The following FMN1 variants were observed in gnomAD, a reference collection of about 807,000 sequenced individuals.
FMN1 encodes the protein formin 1.
A neutral mutation model predicts 132.4 loss-of-function variants in FMN1; 110 were observed. The observed-to-expected ratio is 0.83, with a 90% CI of 0.71 to 0.97. The LOEUF (loss-of-function observed/expected upper bound fraction) is 0.97, where lower values mean the gene tolerates loss of function less well. Ranked by LOEUF, FMN1 falls within the 50% of genes least tolerant of loss-of-function variation. FMN1 has a pLI of 0.00. For synonymous variants in FMN1, 722 were observed against 651.7 expected (o/e 1.11, Z -1.64); for missense variants, 1,792 against 1,705.3 (o/e 1.05, Z -0.90).
At chr15:32,815,290 A>G (rs912899873) in intron 17 of FMN1, among the ~76,000 whole-genome samples, 2 of 151,790 alleles carry the variant, frequency 1.3e-5, no homozygotes, top group South Asian at 4.2e-4. Context: ...TTCAAAAGCA[A>G]CTCTCATTTT....
In FMN1 at chr15:32,837,170, C is replaced by A. The variant is rs746580091; in HGVS notation, c.3928+19845G>T. On this transcript the variant is annotated intron_variant, in intron 17 of 20. Coordinates refer to ENST00000616417, the MANE Select transcript of FMN1 (RefSeq NM_001277313.2). Reference sequence around the variant, plus strand: ...TCACTCAGGTTGATGTGGTCCAGTACAAGGAACATTGCTTTATCCAGGACG... The same window carrying A: ...TCACTCAGGTTGATGTGGTCCAGTAAAAGGAACATTGCTTTATCCAGGACG... The A allele has an allele frequency of 1.3e-5, 3 of 230,226 alleles. No individual in the cohort carries two copies. In the South Asian group the frequency reaches 2.4e-4, roughly 18 times the overall value. The allele number at this position is 230,226 out of a possible 1,614,324, so 14.3% of individuals were successfully genotyped here.
intron 3 of FMN1, among the ~76,000 whole-genome samples, chr15:33,161,834 C>T (rs1047816182): frequency 4.0e-5 from 6 of 151,630 alleles, no homozygotes; most frequent in African/African-American, 9.7e-5. Context: ...AGGAGAATGG[C>T]GTGAACCCGG....
In FMN1 at chr15:32,772,789, A is replaced by G. The variant is rs537730980; in HGVS notation, c.*1521T>C. 7 of 152,364 alleles carry G rather than the reference A, an allele frequency of 4.6e-5. No homozygotes were observed. Among genetic ancestry groups the G allele is most frequent in the South Asian group, 2.1e-4 (1 of 4,826 alleles). 9.4% of individuals were successfully genotyped at this position (152,364 alleles called of 1,614,324 possible). ...ATTAGGATATGGTGCTGCTTTCATT[A>G]CTGGATCTATTATAGAAGCATTCCT... On this transcript the variant is annotated 3_prime_UTR_variant, in exon 21 of 21. Transcript: ENST00000616417.
At position 33,188,488 on chromosome 15, in the gene FMN1, C is replaced by T. The variant is rs75343192; in HGVS notation, c.-197+5421G>A. On this transcript the variant is annotated intron_variant, in intron 2 of 20. Coordinates refer to ENST00000616417, the MANE Select transcript of FMN1 (RefSeq NM_001277313.2). ...CTTTCCTCTCTTCTGTGTGTTTCTTCCTTCTTAGATGTGGTTCAGGCAGAA... is the reference window on the plus strand; with the variant it reads ...CTTTCCTCTCTTCTGTGTGTTTCTTTCTTCTTAGATGTGGTTCAGGCAGAA... Among the ~76,000 whole-genome samples the T allele has an allele frequency of 7.2e-3, 1,095 of 152,234 alleles. 14 individuals are homozygous for T. The highest frequency in any genetic ancestry group is 0.014 in the Middle Eastern group (4 of 294).
intron 9 of FMN1, among the ~76,000 whole-genome samples, chr15:32,945,303 C>T (rs777423445): frequency 3.3e-5 from 5 of 152,120 alleles, no homozygotes; most frequent in African/African-American, 4.8e-5. Flanking sequence ...TCAATCTCCA[C>T]GGAGTCCTTT....
rs994391014 is a variant in FMN1, at chr15:33,153,366, T to C, written c.1549A>G (p.Thr517Ala). 1 of 1,536,326 alleles carries C rather than the reference T, an allele frequency of 6.5e-7. No homozygotes were observed. Residue 517 changes from threonine (T) to alanine (A), a missense_variant, in exon 4 of 21, where the codon ACG (threonine) becomes GCG (alanine). This residue lies in a region of FMN1 where 638 missense variants were observed against 645.2 expected (regional missense o/e 0.99). Transcript: ENST00000616417. The stretch of plus-strand genomic sequence containing the variant: ...GACAGAGGCGAGGGAACAGGTGACG[T>C]CTGTTTGTGTGTGCTGGACTGCGAG... ...SASQSSTHKQ[T>A]SPVPSPLSPR...
chr15:33,084,280 C>T (rs780565734), intron 5 of FMN1, among the ~76,000 whole-genome samples: 2 of 152,158 alleles, frequency 1.3e-5, no homozygotes, highest in Non-Finnish European at 2.9e-5. Flanking sequence ...GATCAAGACC[C>T]CTATCTGGTA....
intron 9 of FMN1, among the ~76,000 whole-genome samples, chr15:32,946,616 C>T (rs1474988812): frequency 6.6e-6 from 1 of 152,130 alleles, no homozygotes; most frequent in Non-Finnish European, 1.5e-5. Context: ...AAAATTAGCC[C>T]AAAATTATGA....
intron 4 of FMN1, among the ~76,000 whole-genome samples, chr15:33,145,578 G>T (rs188376146): frequency 6.6e-6 from 1 of 151,684 alleles, no homozygotes; most frequent in Non-Finnish European, 1.5e-5. Context: ...CATACGTCAT[G>T]CTATTTTCAG....
chr15:32,914,456 T>C (rs2140292612), intron 10 of FMN1, among the ~76,000 whole-genome samples: 1 of 152,252 alleles, frequency 6.6e-6, no homozygotes, highest in South Asian at 2.1e-4. Context: ...GAGACTTAAT[T>C]AAAGGGACTA....
At chr15:32,850,435 A>G (rs79269265) in intron 17 of FMN1, among the ~76,000 whole-genome samples, 2 of 152,358 alleles carry the variant, frequency 1.3e-5, no homozygotes, top group African/African-American at 4.8e-5. Flanking sequence ...ATGATTCTAT[A>G]TCCAGGAGGT....
At chr15:33,097,580 G>A (rs1052322555) in intron 4 of FMN1, among the ~76,000 whole-genome samples, 1 of 152,154 alleles carries the variant, frequency 6.6e-6, no homozygotes, top group South Asian at 2.1e-4. Flanking sequence ...CAGCCCAAAA[G>A]ACAGTGGAAA....
intron 17 of FMN1, among the ~76,000 whole-genome samples, chr15:32,839,334 G>A (rs1010502688): frequency 1.1e-4 from 16 of 152,192 alleles, no homozygotes; most frequent in South Asian, 2.1e-4. Context: ...CCCTTCAGGC[G>A]TTGGCAGCAA....
At chr15:33,181,611 C>T (rs962290492) in intron 2 of FMN1, among the ~76,000 whole-genome samples, 22 of 151,982 alleles carry the variant, frequency 1.4e-4, no homozygotes, top group Admixed American at 1.4e-3. Context: ...GATATAGAGT[C>T]CAAATTTTAT....
At chr15:32,785,218 A>ATATATTTTTT (rs1444523400) in intron 19 of FMN1, among the ~76,000 whole-genome samples, 11 of 39,204 alleles carry the variant, frequency 2.8e-4, no homozygotes, top group African/African-American at 1.2e-3. Context: ...ATATATATAT[A>ATATATTTTTT]TTTTTTTTTT....
At position 32,901,946 on chromosome 15, in the gene FMN1, G is replaced by A; in HGVS notation, c.3472C>T (p.His1158Tyr). The change falls in exon 13 of 21, where the codon CAC becomes TAC. Residue 1158 changes from histidine to tyrosine, a missense_variant. This residue lies in a region of FMN1 where 1,150 missense variants were observed against 1,043.1 expected (regional missense o/e 1.10). Transcript: ENST00000616417. ...CGCGTGATGATCTCTACCTTTCTGT[G>A]CAAGGAGGTGATACCCTCAGAAAAG... Reference protein sequence around the residue: ...SVFSEGITSLHRKVEIITRAS... With the variant: ...SVFSEGITSLYRKVEIITRAS... 1 of 1,612,912 alleles carries A rather than the reference G, an allele frequency of 6.2e-7. No homozygotes were observed. Among genetic ancestry groups the A allele is most frequent in the Non-Finnish European group, 8.5e-7 (1 of 1,179,476 alleles).
chr15:32,898,270 T>C (rs2060207789), intron 15 of FMN1, among the ~76,000 whole-genome samples: 1 of 151,978 alleles, frequency 6.6e-6, no homozygotes, highest in Non-Finnish European at 1.5e-5. Context: ...AATACCTTTT[T>C]CTTCTCAAAA....
chr15:32,967,151 A>G (rs2031316185), intron 8 of FMN1, among the ~76,000 whole-genome samples: 1 of 152,224 alleles, frequency 6.6e-6, no homozygotes, highest in African/African-American at 2.4e-5. Flanking sequence ...TTCAGTATTC[A>G]ATTGCTTTTC....
At chr15:33,027,923 C>T (rs1043006906) in intron 6 of FMN1, among the ~76,000 whole-genome samples, 2 of 151,238 alleles carry the variant, frequency 1.3e-5, no homozygotes, top group African/African-American at 4.8e-5. Context: ...CAGTCATCCA[C>T]ATCTCACCAC....
Sources: allele counts gnomAD v4.1 joint callset (sites outside exome capture counted in the v4.1 genomes callset), GRCh38; gene constraint gnomAD v4.1.1; regional missense constraint gnomAD v4.1.1; transcripts MANE v1.5; gene names NCBI Gene and HGNC (gene_info 2026-07-23, HGNC 2026-07-21).